SSBP2: variants seen among roughly 807,000 people sequenced by gnomAD.
The protein encoded by SSBP2 is single-stranded DNA-binding protein 2.
A neutral mutation model predicts 61.8 loss-of-function variants in SSBP2; 17 were observed. The ratio of observed to expected loss-of-function variants is 0.28; its 90% CI spans 0.19 to 0.41. The LOEUF (loss-of-function observed/expected upper bound fraction) is 0.41. Among genes scored for constraint, SSBP2 ranks in the 10% least tolerant of loss-of-function variants. The pLI, the probability that SSBP2 is intolerant of heterozygous loss-of-function variation, is 1.00. For synonymous variants in SSBP2, 139 were observed against 141.3 expected, an observed-to-expected ratio of 0.98 and a Z score of 0.12; for missense variants, 310 against 458.7, an observed-to-expected ratio of 0.68 and a Z score of 2.96.
intron 8 of SSBP2, among the ~76,000 whole-genome samples, chr5:81,470,447 C>A (rs1275116936): frequency 6.6e-6 from 1 of 151,474 alleles, no homozygotes; most frequent in Non-Finnish European, 1.5e-5. Flanking sequence ...AAAAATATGC[C>A]TACTAGATTT....
intron 4 of SSBP2, among the ~76,000 whole-genome samples, chr5:81,611,042 G>A (rs928095552): frequency 6.6e-6 from 1 of 152,146 alleles, no homozygotes; most frequent in East Asian, 1.9e-4. Context: ...AGTCTTGTGA[G>A]CACAAAATAG....
At chr5:81,611,285 G>C (rs961421789) in intron 4 of SSBP2, among the ~76,000 whole-genome samples, 2 of 151,906 alleles carry the variant, frequency 1.3e-5, no homozygotes, top group East Asian at 1.9e-4. Flanking sequence ...ATGATTTTTT[G>C]TTTCTTTCCT....
intron 1 of SSBP2, among the ~76,000 whole-genome samples, chr5:81,703,473 T>C (rs1326709976): frequency 6.6e-6 from 1 of 152,104 alleles, no homozygotes; most frequent in East Asian, 1.9e-4. Flanking sequence ...CCAGAGGGAA[T>C]GGGTGCAGCA....
intron 1 of SSBP2, among the ~76,000 whole-genome samples, chr5:81,654,984 TAC>T (rs1561658867): frequency 6.6e-6 from 1 of 151,184 alleles, no homozygotes; most frequent in Non-Finnish European, 1.5e-5. Flanking sequence ...TATATATATA[TAC>T]TTATATATAT....
intron 2 of SSBP2, among the ~76,000 whole-genome samples, chr5:81,641,307 A>G (rs1364587087): frequency 1.3e-5 from 2 of 152,230 alleles, no homozygotes; most frequent in Admixed American, 1.3e-4. Context: ...GAGGTAATAC[A>G]TTTGTATTTT....
At chr5:81,608,458 T>C (rs189616505) in intron 4 of SSBP2, among the ~76,000 whole-genome samples, 36 of 152,280 alleles carry the variant, frequency 2.4e-4, no homozygotes, top group African/African-American at 8.4e-4. Context: ...ATTTCCTATT[T>C]TTTGAATATG....
chr5:81,584,587 A>G (rs573142655), intron 4 of SSBP2, among the ~76,000 whole-genome samples: 2 of 152,196 alleles, frequency 1.3e-5, no homozygotes, highest in South Asian at 4.1e-4. Context: ...ACAAAGGCCA[A>G]ACAAGTATCC....
intron 5 of SSBP2, among the ~76,000 whole-genome samples, chr5:81,500,403 G>A (rs143540778): frequency 2.0e-4 from 30 of 151,908 alleles, no homozygotes; most frequent in African/African-American, 5.6e-4. Context: ...TAGTAGAGAC[G>A]GAGTTTCACC....
At chr5:81,683,196 T>A (rs1752524687) in intron 1 of SSBP2, among the ~76,000 whole-genome samples, 1 of 152,028 alleles carries the variant, frequency 6.6e-6, no homozygotes, top group African/African-American at 2.4e-5. Flanking sequence ...AACCCCAGAA[T>A]AACCAACAAT....
At chr5:81,599,046 A>C (rs1744075791) in intron 4 of SSBP2, among the ~76,000 whole-genome samples, 1 of 152,190 alleles carries the variant, frequency 6.6e-6, no homozygotes, top group Admixed American at 6.5e-5. Context: ...TAATTCTGGG[A>C]AAAGTAACAG....
At chr5:81,518,168 A>G (rs1306697348) in intron 4 of SSBP2, among the ~76,000 whole-genome samples, 1 of 152,178 alleles carries the variant, frequency 6.6e-6, no homozygotes, top group Non-Finnish European at 1.5e-5. Context: ...ATATGAAGAT[A>G]ATAATAGAGA....
chr5:81,662,530 G>A lies in SSBP2; in HGVS notation c.63-12191C>T, dbSNP rs550505884. 2.6e-5 allele frequency among the ~76,000 whole-genome samples: 4 copies of A among 152,126 alleles called. No individual in the cohort carries two copies. The South Asian group carries it at 8.3e-4, about 32-fold the overall frequency. ...TGAAAATTACAACTTCTGGCCGGGT[G>A]CATTGGCTCACACCTGTAATCCCAA... On this transcript the variant is annotated intron_variant, in intron 1 of 16. Coordinates refer to ENST00000320672, the MANE Select transcript of SSBP2 (RefSeq NM_012446.5).
intron 4 of SSBP2, among the ~76,000 whole-genome samples, chr5:81,574,436 T>G (rs1045473262): frequency 9.2e-5 from 14 of 151,838 alleles, no homozygotes; most frequent in African/African-American, 3.4e-4. Context: ...TAGGACATGG[T>G]AAAAATATCT....
intron 1 of SSBP2, among the ~76,000 whole-genome samples, chr5:81,663,726 G>A (rs1750887795): frequency 6.6e-6 from 1 of 152,138 alleles, no homozygotes; most frequent in Admixed American, 6.5e-5. Context: ...ACTTAGGTCT[G>A]TCTATTACCT....
chr5:81,474,637 T>A, intron 6 of SSBP2, 75 bp from the exon 7 acceptor site: 3 of 1,028,734 alleles, frequency 2.9e-6, no homozygotes, highest in Non-Finnish European at 4.2e-6. Flanking sequence ...AATTTCCTTT[T>A]AAATGCTTGT....
intron 4 of SSBP2, among the ~76,000 whole-genome samples, chr5:81,596,192 T>C (rs867770942): frequency 1.1e-4 from 16 of 151,998 alleles, no homozygotes; most frequent in East Asian, 5.8e-4. Flanking sequence ...TATACACCAG[T>C]AACAGACAAA....
chr5:81,468,139 C>T (rs1009913017), intron 8 of SSBP2, among the ~76,000 whole-genome samples: 2 of 151,988 alleles, frequency 1.3e-5, no homozygotes, highest in African/African-American at 4.8e-5. Context: ...CTTTCCTCGT[C>T]ACTTCTGTGC....
At chr5:81,540,566 C>A (rs187286157) in intron 4 of SSBP2, among the ~76,000 whole-genome samples, 148 of 152,258 alleles carry the variant, frequency 9.7e-4, no homozygotes, top group African/African-American at 3.3e-3. Flanking sequence ...TATTCATATC[C>A]TCTGCCCACT....
intron 1 of SSBP2, among the ~76,000 whole-genome samples, chr5:81,701,394 A>G (rs1404915958): frequency 6.6e-6 from 1 of 152,200 alleles, no homozygotes; most frequent in Non-Finnish European, 1.5e-5. Flanking sequence ...AAAAAGTTTG[A>G]AATAGAAGAA....
Sources: gnomAD v4.1 joint callset for allele counts (sites outside exome capture counted in the v4.1 genomes callset) on GRCh38, gnomAD v4.1.1 for gene constraint, MANE v1.5 for transcripts, NCBI Gene and HGNC (gene_info 2026-07-23, HGNC 2026-07-21) for gene names.